The following CDCP1 variants were observed in gnomAD, a reference collection of about 807,000 sequenced individuals.
The protein encoded by CDCP1 is CUB domain containing protein 1, also known as CUB domain-containing protein 1.
In CDCP1, 29 loss-of-function variants were observed where a neutral mutation model predicts 60.2. The ratio of observed to expected loss-of-function variants is 0.48; its 90% confidence interval spans 0.36 to 0.66. The LOEUF (loss-of-function observed/expected upper bound fraction) is 0.66, where lower values mean the gene tolerates loss of function less well. Ranked by LOEUF, CDCP1 falls within the 30% of genes least tolerant of loss-of-function variation. The pLI, the probability that CDCP1 is intolerant of heterozygous loss-of-function variation, is 0.00. For synonymous variants in CDCP1, 387 were observed against 431.1 expected (o/e 0.90, Z 1.27); for missense variants, 876 against 1,074.3 (o/e 0.82, Z 2.58).
intron 7 of CDCP1, among the ~76,000 whole-genome samples, chr3:45,090,434 C>T (rs148499760): frequency 9.8e-5 from 15 of 152,328 alleles, no homozygotes; most frequent in African/African-American, 1.9e-4. Flanking sequence ...TGGATTCCAA[C>T]GTTTCACTGA....
intron 1 of CDCP1, among the ~76,000 whole-genome samples, chr3:45,126,255 C>T (rs1698998852): frequency 6.7e-6 from 1 of 148,976 alleles, no homozygotes; most frequent in Non-Finnish European, 1.5e-5. Context: ...TCCTTCTTCT[C>T]TCTCTCTCTC....
rs2125987380 is a variant in CDCP1 at position 45,084,506 on chromosome 3, C to T, written c.*1132G>A. ...GAGGGAAGTGGGAGGGCCAGTGTCACAGTGATGCCATGTGAGAAAAGCTTG... is the reference window on the plus strand; with the variant it reads ...GAGGGAAGTGGGAGGGCCAGTGTCATAGTGATGCCATGTGAGAAAAGCTTG... On this transcript the variant is annotated 3_prime_UTR_variant, in exon 9 of 9. Coordinates refer to ENST00000296129, the MANE Select transcript of CDCP1 (RefSeq NM_022842.5). The T allele has an allele frequency of 6.6e-6, 1 of 152,254 alleles. No homozygotes were observed. The allele number at this position is 152,254 out of a possible 1,614,324, so 9.4% of individuals were successfully genotyped here.
At chr3:45,098,318 C>G (rs1698435416) in intron 4 of CDCP1, among the ~76,000 whole-genome samples, 1 of 152,078 alleles carries the variant, frequency 6.6e-6, no homozygotes, top group Non-Finnish European at 1.5e-5. Flanking sequence ...CCTGCTTTAG[C>G]CTCCTGAGTA....
chr3:45,132,654 C>A (rs1699118971), intron 1 of CDCP1, among the ~76,000 whole-genome samples: 1 of 152,192 alleles, frequency 6.6e-6, no homozygotes, highest in African/African-American at 2.4e-5. Context: ...CCTCTCTGAA[C>A]CATAAGTTTC....
intron 2 of CDCP1, among the ~76,000 whole-genome samples, chr3:45,113,376 A>G (rs4683045): frequency 0.23 from 34,727 of 152,170 alleles, 4,446 homozygotes; most frequent in South Asian, 0.43. Flanking sequence ...AAACAAAGCA[A>G]GAAATATTAT....
chr3:45,110,859 C>T lies in CDCP1; in HGVS notation c.656-18G>A. On this transcript the variant is annotated intron_variant, in intron 3 of 8. Coordinates refer to ENST00000296129, the MANE Select transcript of CDCP1 (RefSeq NM_022842.5). ...GCACAGACCTAGTGGGAGTGGAACC[C>T]AAACCAGAAAGAATAGGGAGCCATT... 1 of 1,596,664 alleles carries T rather than the reference C, an allele frequency of 6.3e-7. No homozygotes were observed. Among genetic ancestry groups the T allele is most frequent in the Non-Finnish European group, 8.6e-7 (1 of 1,169,148 alleles).
In CDCP1 at chr3:45,118,654, A is replaced by G. The variant is rs559712544; in HGVS notation, c.83-33T>C. 1.8e-4 allele frequency: 280 copies of G among 1,588,828 alleles called. 1 individual carries two copies. In the Middle Eastern group the frequency reaches 4.2e-3, roughly 24 times the overall value. Reference sequence around the variant, plus strand: ...AAGGAAGGAAAATGAAGTAAGCAGGATGATTTAGGTCTGCAAACTGCTGTG... The same window carrying G: ...AAGGAAGGAAAATGAAGTAAGCAGGGTGATTTAGGTCTGCAAACTGCTGTG... On this transcript the variant is annotated intron_variant, in intron 1 of 8. Coordinates refer to ENST00000296129, the MANE Select transcript of CDCP1 (RefSeq NM_022842.5).
intron 8 of CDCP1, among the ~76,000 whole-genome samples, chr3:45,087,091 A>C (rs541810907): frequency 1.5e-4 from 23 of 151,626 alleles, no homozygotes; most frequent in Middle Eastern, 6.8e-3. Context: ...TTCTCATGCT[A>C]TCCTGAAACT....
Position 45,146,333 on chromosome 3 carries a change from G to A in CDCP1, c.-46C>T. ...TCGGTGGGGAAAACGACGGTGGGGA[G>A]CGGCGGCCCCAGGCGCCCAAGCCCG... On this transcript the variant is annotated 5_prime_UTR_variant, in exon 1 of 9. Coordinates refer to ENST00000296129, the MANE Select transcript of CDCP1 (RefSeq NM_022842.5). The A allele has an allele frequency of 1.3e-6, 2 of 1,500,318 alleles. No homozygotes were observed. The highest frequency in any genetic ancestry group is 1.8e-6 in the Non-Finnish European group (2 of 1,121,756). 92.9% of individuals were successfully genotyped at this position (1,500,318 alleles called of 1,614,324 possible).
In CDCP1 at chr3:45,111,164, T is replaced by C. The variant is rs972913251; in HGVS notation, c.656-323A>G. ...CAACACCAGGTGACTGAATGTGGAG[T>C]TGGGCAGTAGCACACCTTTATATTA... On this transcript the variant is annotated intron_variant, in intron 3 of 8. Transcript: ENST00000296129. Among the ~76,000 whole-genome samples, 36 of 152,116 alleles carry C rather than the reference T, an allele frequency of 2.4e-4. 1 individual carries two copies. The highest frequency in any genetic ancestry group is 1.3e-4 in the Admixed American group (2 of 15,274).
chr3:45,096,623 CAAAAAA>C (rs5848726), intron 4 of CDCP1, among the ~76,000 whole-genome samples: 4 of 53,184 alleles, frequency 7.5e-5, no homozygotes, highest in Admixed American at 3.2e-4. Context: ...GACTCCGTCT[CAAAAAA>C]AAAAAAAAAA....
intron 1 of CDCP1, among the ~76,000 whole-genome samples, chr3:45,134,149 T>A (rs952364201): frequency 7.5e-6 from 1 of 133,004 alleles, no homozygotes; most frequent in African/African-American, 3.1e-5. Context: ...TACTTCTTTC[T>A]TTTTTTTTTT....
chr3:45,127,786 C>T (rs1008788081), intron 1 of CDCP1, among the ~76,000 whole-genome samples: 1 of 152,176 alleles, frequency 6.6e-6, no homozygotes, highest in Non-Finnish European at 1.5e-5. Flanking sequence ...CCTGTCAAGA[C>T]AGCAGGGCAA....
intron 4 of CDCP1, among the ~76,000 whole-genome samples, chr3:45,108,787 A>ATATTTTTTTTTTTTTTTTTTTTTTTT (rs1559392558): frequency 2.9e-5 from 1 of 34,746 alleles, no homozygotes; most frequent in Non-Finnish European, 6.6e-5. Context: ...ATACATATAT[A>ATATTTTTTTTTTTTTTTTTTTTTTTT]TGCATGTATA....
chr3:45,133,111 A>G (rs1424985714), intron 1 of CDCP1, among the ~76,000 whole-genome samples: 3 of 152,210 alleles, frequency 2.0e-5, no homozygotes, highest in Non-Finnish European at 2.9e-5. Context: ...GGAGGGGTCC[A>G]CATGACAAGG....
In CDCP1 at chr3:45,082,529, ATTTG is replaced by A. The variant is rs1336880460; in HGVS notation, c.*3105_*3108del. ...CAGCTTGATACTTGTTTTTTGGTAC[ATTTG>A]TTTATTTAAAGCACAGGAAATGAAT... On this transcript the variant is annotated 3_prime_UTR_variant, in exon 9 of 9. Transcript: ENST00000296129. 2 of 152,190 alleles carry A rather than the reference ATTTG, an allele frequency of 1.3e-5. No homozygotes were observed. Among genetic ancestry groups the A allele is most frequent in the African/African-American group, 2.4e-5 (1 of 41,434 alleles). 9.4% of individuals were successfully genotyped at this position (152,190 alleles called of 1,614,324 possible).
chr3:45,131,606 A>G (rs900985774), intron 1 of CDCP1, among the ~76,000 whole-genome samples: 3 of 152,212 alleles, frequency 2.0e-5, no homozygotes, highest in African/African-American at 7.2e-5. Context: ...CTAATTACTA[A>G]TTTGGATGCC....
chr3:45,110,915 G>A (rs1043415780), intron 3 of CDCP1, 74 bp from the exon 4 acceptor site: 65 of 1,509,696 alleles, frequency 4.3e-5, no homozygotes, highest in Non-Finnish European at 9.8e-6. Context: ...GCAGCCGAGG[G>A]GTGGGGGTGT....
chr3:45,094,401 A>G (rs531914985), intron 5 of CDCP1, among the ~76,000 whole-genome samples: 1 of 151,934 alleles, frequency 6.6e-6, no homozygotes, highest in Admixed American at 6.6e-5. Flanking sequence ...AATTTTTTGT[A>G]TTTTTAGTAG....
Sources: gnomAD v4.1 joint callset for allele counts (sites outside exome capture counted in the v4.1 genomes callset) on GRCh38, gnomAD v4.1.1 for gene constraint, MANE v1.5 for transcripts, NCBI Gene and HGNC (gene_info 2026-07-23, HGNC 2026-07-21) for gene names.